Variants in PPM1L observed in about 807,000 individuals in gnomAD.
PPM1L encodes protein phosphatase 1L.
In PPM1L, 13 loss-of-function variants were observed where a neutral mutation model predicts 31.4. That is an observed-to-expected ratio of 0.41 (90% CI 0.27 to 0.66). The LOEUF is 0.66. Among genes scored for constraint, PPM1L ranks in the 30% least tolerant of loss-of-function variants. The pLI is 0.29. For synonymous variants in PPM1L, 184 were observed against 175.4 expected (o/e 1.05, Z -0.39); for missense variants, 326 against 453.7 (o/e 0.72, Z 2.56).
chr3:160,958,139 T>A (rs926997150), intron 1 of PPM1L, among the ~76,000 whole-genome samples: 5 of 152,228 alleles, frequency 3.3e-5, no homozygotes, highest in Non-Finnish European at 5.9e-5. Context: ...TTTCTTTTGC[T>A]GTGCAGAAGC....
chr3:160,955,226 G>C (rs1468847625), intron 1 of PPM1L, among the ~76,000 whole-genome samples: 1 of 151,994 alleles, frequency 6.6e-6, no homozygotes, highest in East Asian at 1.9e-4. Context: ...GGCCAGGATA[G>C]TCTCGATCTC....
At chr3:160,807,833 G>A (rs7633282) in intron 1 of PPM1L, among the ~76,000 whole-genome samples, 11,244 of 150,110 alleles carry the variant, frequency 0.075, 1,357 homozygotes, top group African/African-American at 0.26. Flanking sequence ...TGTGAATGAT[G>A]ACTTGACTTT....
chr3:161,046,792 A>C (rs751176283), intron 2 of PPM1L, among the ~76,000 whole-genome samples: 1 of 152,208 alleles, frequency 6.6e-6, no homozygotes, highest in Non-Finnish European at 1.5e-5. Flanking sequence ...AACATACGCA[A>C]ATCAATAAAC....
At chr3:160,808,375 G>C (rs1712686658) in intron 1 of PPM1L, among the ~76,000 whole-genome samples, 2 of 131,460 alleles carry the variant, frequency 1.5e-5, no homozygotes, top group South Asian at 4.9e-4. Flanking sequence ...TGCAGTGCCA[G>C]GATTTTCCTG....
intron 1 of PPM1L, among the ~76,000 whole-genome samples, chr3:160,884,123 C>G (rs1168539451): frequency 6.6e-6 from 1 of 151,752 alleles, no homozygotes; most frequent in Non-Finnish European, 1.5e-5. Context: ...AATTCCTATC[C>G]CTAAAGAATT....
At chr3:160,800,787 T>C (rs994666305) in intron 1 of PPM1L, among the ~76,000 whole-genome samples, 2 of 152,146 alleles carry the variant, frequency 1.3e-5, no homozygotes, top group Non-Finnish European at 2.9e-5. Context: ...AATAATGTAC[T>C]CTAAGATTTG....
chr3:160,900,109 AT>A (rs200284049), intron 1 of PPM1L, among the ~76,000 whole-genome samples: 20 of 151,584 alleles, frequency 1.3e-4, no homozygotes, highest in Admixed American at 9.2e-4. Flanking sequence ...TCTTTGCTGT[AT>A]TTTTTTTGCT....
At chr3:160,933,807 T>C (rs1339547908) in intron 1 of PPM1L, among the ~76,000 whole-genome samples, 1 of 152,186 alleles carries the variant, frequency 6.6e-6, no homozygotes, top group East Asian at 1.9e-4. Flanking sequence ...AATGAATGAC[T>C]CAATCTGATT....
intron 2 of PPM1L, among the ~76,000 whole-genome samples, chr3:160,992,416 T>C (rs993620073): frequency 1.3e-5 from 2 of 152,146 alleles, no homozygotes; most frequent in African/African-American, 4.8e-5. Flanking sequence ...TCATCAAAAT[T>C]AGGGCCCAAG....
At chr3:161,027,174 G>A (rs1718424549) in intron 2 of PPM1L, among the ~76,000 whole-genome samples, 2 of 152,190 alleles carry the variant, frequency 1.3e-5, no homozygotes, top group African/African-American at 4.8e-5. Flanking sequence ...GGAAATTCAA[G>A]CAATTTTATG....
chr3:160,849,015 G>T (rs1021036372), intron 1 of PPM1L, among the ~76,000 whole-genome samples: 1 of 152,148 alleles, frequency 6.6e-6, no homozygotes, highest in African/African-American at 2.4e-5. Context: ...ACCGCAGGGT[G>T]GAGAGTGCAT....
At chr3:160,914,869 A>T (rs544220502) in intron 1 of PPM1L, among the ~76,000 whole-genome samples, 2 of 152,222 alleles carry the variant, frequency 1.3e-5, no homozygotes, top group East Asian at 3.9e-4. Flanking sequence ...TGCCACACTG[A>T]CTTCCACAAT....
At chr3:160,902,570 A>G (rs2108054787) in intron 1 of PPM1L, among the ~76,000 whole-genome samples, 1 of 152,298 alleles carries the variant, frequency 6.6e-6, no homozygotes, top group East Asian at 1.9e-4. Context: ...GTTTTAACAT[A>G]CATATGAGCT....
At chr3:160,815,734 G>A (rs759047896) in intron 1 of PPM1L, among the ~76,000 whole-genome samples, 6 of 151,966 alleles carry the variant, frequency 3.9e-5, no homozygotes, top group Non-Finnish European at 8.8e-5. Context: ...AGATTTCTGC[G>A]ACATATAATC....
intron 2 of PPM1L, among the ~76,000 whole-genome samples, chr3:161,001,059 A>C (rs757108025): frequency 6.6e-6 from 1 of 152,238 alleles, no homozygotes; most frequent in African/African-American, 2.4e-5. Context: ...ACTTCAAATT[A>C]TTGAGATTTA....
intron 2 of PPM1L, among the ~76,000 whole-genome samples, chr3:161,030,621 G>A (rs1718537304): frequency 6.6e-6 from 1 of 152,120 alleles, no homozygotes; most frequent in African/African-American, 2.4e-5. Flanking sequence ...GGGAATTTGG[G>A]TATTTCATCA....
intron 1 of PPM1L, among the ~76,000 whole-genome samples, chr3:160,781,530 C>T (rs141075512): frequency 4.9e-4 from 74 of 152,164 alleles, no homozygotes; most frequent in Admixed American, 2.4e-3. Flanking sequence ...CTTAGATGTC[C>T]CCTCTAAAAG....
At chr3:160,794,385 A>G (rs1301909233) in intron 1 of PPM1L, among the ~76,000 whole-genome samples, 2 of 152,190 alleles carry the variant, frequency 1.3e-5, no homozygotes, top group Non-Finnish European at 2.9e-5. Context: ...TCTGTGTCCA[A>G]TAGCTCTCCT....
intron 1 of PPM1L, among the ~76,000 whole-genome samples, chr3:160,923,034 G>A (rs955037193): frequency 2.0e-5 from 3 of 152,218 alleles, no homozygotes; most frequent in Non-Finnish European, 4.4e-5. Context: ...TTCAGCTGGA[G>A]TTGCTGTAGA....
Sources: allele counts gnomAD v4.1 joint callset (sites outside exome capture counted in the v4.1 genomes callset), GRCh38; gene constraint gnomAD v4.1.1; transcripts MANE v1.5; gene names NCBI Gene and HGNC (gene_info 2026-07-23, HGNC 2026-07-21).